Variants in GLDN observed in about 807,000 individuals in gnomAD.
GLDN encodes the protein gliomedin.
A neutral mutation model predicts 56.5 loss-of-function variants in GLDN; 47 were observed. That is an observed-to-expected ratio of 0.83 (90% CI 0.66 to 1.06). The LOEUF is 1.06. Among genes scored for constraint, GLDN ranks in the 50% least tolerant of loss-of-function variants. The pLI, the probability that GLDN is intolerant of heterozygous loss-of-function variation, is 0.00. For missense variants in GLDN, 782 were observed against 714.3 expected (o/e 1.09, Z -1.08); for synonymous variants, 332 against 278.8 (o/e 1.19, Z -1.90).
At chr15:51,377,166 T>A (rs2037650095) in intron 1 of GLDN, 1 of 467,720 alleles carries the variant, frequency 2.1e-6, no homozygotes, top group Middle Eastern at 5.6e-4. Context: ...TATACCAGCA[T>A]CACCACAAAC....
rs557019187 is a variant in GLDN, at chr15:51,376,290, G to A, written c.364-1159G>A. Among the ~76,000 whole-genome samples, 30 of 152,334 alleles carry A rather than the reference G, an allele frequency of 2.0e-4. No individual in the cohort carries two copies. The South Asian group carries it at 4.8e-3, about 24-fold the overall frequency. ...CATGTTACAGTACTGAATGCTGTAG[G>A]CAACTGTAACACAGTGGTAAATATT... On this transcript the variant is annotated intron_variant, in intron 1 of 9. Coordinates refer to ENST00000335449, the MANE Select transcript of GLDN (RefSeq NM_181789.4).
At chr15:51,366,148 T>G (rs982888212) in intron 1 of GLDN, among the ~76,000 whole-genome samples, 2 of 152,174 alleles carry the variant, frequency 1.3e-5, no homozygotes, top group Non-Finnish European at 2.9e-5. Flanking sequence ...GTTGTCACTG[T>G]GTGTGTGTCT....
Position 51,394,968 on chromosome 15 carries a change from C to T in GLDN, c.675C>T (p.Asp225=), listed in dbSNP as rs373810235. Residue 225 remains aspartate (D), a synonymous_variant, in exon 5 of 10, where the codon GAC becomes GAT. Transcript: ENST00000335449. ...EKGDKGDVSN[D]VLLAGAKGDQ... is the part of the protein sequence containing the mutation. ...GTGACAAAGGAGATGTGTCCAACGA[C>T]GTGCTCCTGGCAGGTAAGAGGGGTA... 70 of 1,600,874 alleles carry T rather than the reference C, an allele frequency of 4.4e-5. No individual in the cohort carries two copies. The highest frequency in any genetic ancestry group is 5.5e-5 in the Non-Finnish European group (65 of 1,175,084).
At position 51,401,596 on chromosome 15, in the gene GLDN, T is replaced by C. The variant is rs531368721; in HGVS notation, c.1031T>C (p.Ile344Thr). Residue 344 changes from isoleucine to threonine, a missense_variant, in exon 9 of 10, where the codon ATC becomes ACC. By Grantham distance (89) the Ile-to-Thr change is moderately conservative. Transcript: ENST00000335449. Reference protein sequence around the residue: ...RIWVTEHFSGIMVKEFKDQPS... With the variant: ...RIWVTEHFSGTMVKEFKDQPS... ...CTCCCTGGCTTCCCTCCTACAGGCA[T>C]CATGGTTAAGGAATTCAAGGATCAG... The C allele has an allele frequency of 6.2e-7, 1 of 1,613,088 alleles. No homozygotes were observed. Among genetic ancestry groups the C allele is most frequent in the South Asian group, 1.1e-5 (1 of 90,790 alleles).
Position 51,407,919 on chromosome 15 carries a change from C to G in GLDN, c.*3165C>G, listed in dbSNP as rs992446650. ...GCCATAATTTCCAACCTGCACAGAT[C>G]CTGAACAACAAATGAATAACGATGA... On this transcript the variant is annotated 3_prime_UTR_variant, in exon 10 of 10. Coordinates refer to ENST00000335449, the MANE Select transcript of GLDN (RefSeq NM_181789.4). 1 of 152,120 alleles carries G rather than the reference C, an allele frequency of 6.6e-6. No homozygotes were observed. Among genetic ancestry groups the G allele is most frequent in the African/African-American group, 2.4e-5 (1 of 41,418 alleles). 9.4% of individuals were successfully genotyped at this position (152,120 alleles called of 1,614,324 possible). A position where few individuals can be genotyped will look rare whatever the true frequency, so the allele number is the denominator to read the frequency against.
Position 51,341,938 on chromosome 15 carries a change from A to T in GLDN, c.254A>T (p.Asp85Val), listed in dbSNP as rs1018436405. The T allele has an allele frequency of 3.4e-5, 55 of 1,596,798 alleles. No individual in the cohort carries two copies. The highest frequency in any genetic ancestry group is 4.5e-5 in the Non-Finnish European group (53 of 1,179,256). ...APRGASAPPQ[D>V]PASSARNKRS... The stretch of plus-strand genomic sequence containing the variant: ...CGCGGGGCGTCCGCACCACCCCAAG[A>T]CCCGGCCAGCTCAGCTCGCAACAAG... The change falls in exon 1 of 10, where the codon GAC (aspartate) becomes GTC (valine). Residue 85 changes from aspartate to valine, a missense_variant. Coordinates refer to ENST00000335449, the MANE Select transcript of GLDN (RefSeq NM_181789.4).
Position 51,397,518 on chromosome 15 carries a change from C to T in GLDN, c.737C>T (p.Pro246Leu), listed in dbSNP as rs780003472. ...CCCGGTCCACCTGGGCCCCCAGGCCCTCCAGGTCCTCCAGGGCCCCCTGGA... is the reference window on the plus strand; with the variant it reads ...CCCGGTCCACCTGGGCCCCCAGGCCTTCCAGGTCCTCCAGGGCCCCCTGGA... ...GPPGPPGPPGPPGPPGPPGSR... is the reference protein window; with the variant it reads ...GPPGPPGPPGLPGPPGPPGSR... Residue 246 changes from proline (P) to leucine (L), a missense_variant, in exon 6 of 10, where the codon CCT becomes CTT. Transcript: ENST00000335449. 6 of 1,597,882 alleles carry T rather than the reference C, an allele frequency of 3.8e-6. No individual in the cohort carries two copies. The highest frequency in any genetic ancestry group is 1.7e-5 in the Admixed American group (1 of 58,864).
intron 4 of GLDN, among the ~76,000 whole-genome samples, chr15:51,391,418 T>TA (rs2038017486): frequency 6.6e-6 from 1 of 152,232 alleles, no homozygotes; most frequent in South Asian, 2.1e-4. Flanking sequence ...AACCAGCAGA[T>TA]ACCCTTTCCC....
At chr15:51,393,653 C>T (rs1263996387) in intron 4 of GLDN, among the ~76,000 whole-genome samples, 1 of 152,234 alleles carries the variant, frequency 6.6e-6, no homozygotes, top group Non-Finnish European at 1.5e-5. Flanking sequence ...GTCTCCTTCT[C>T]CCCAAACTCT....
At chr15:51,342,197 G>T in intron 1 of GLDN, 150 bp downstream of exon 1, 1 of 968,090 alleles carries the variant, frequency 1.0e-6, no homozygotes, top group South Asian at 1.5e-5. Flanking sequence ...ATGTCACCTT[G>T]GCAAGCACCT....
chr15:51,387,548 G>A (rs2037924535), intron 4 of GLDN, among the ~76,000 whole-genome samples: 1 of 152,166 alleles, frequency 6.6e-6, no homozygotes, highest in Non-Finnish European at 1.5e-5. Context: ...TGGATGAGCA[G>A]CCAGCTCCCA....
intron 2 of GLDN, among the ~76,000 whole-genome samples, chr15:51,383,006 G>C (rs1461371050): frequency 6.6e-6 from 1 of 152,182 alleles, no homozygotes; most frequent in Non-Finnish European, 1.5e-5. Flanking sequence ...CAGTGGCTCA[G>C]ATGAGACAAG....
In GLDN at chr15:51,401,658, C is replaced by T. The variant is rs376573993; in HGVS notation, c.1093C>T (p.Leu365Phe). ...LLNGSYTFIHLPYYFHGCGHV... is the reference protein window; with the variant it reads ...LLNGSYTFIHFPYYFHGCGHV... ...GAATGGCAGTTACACGTTCATCCAC[C>T]TTCCATACTATTTCCATGGCTGTGG... Residue 365 changes from leucine (L) to phenylalanine (F), a missense_variant, in exon 9 of 10, where the codon CTT (leucine) becomes TTT (phenylalanine). Leu to Phe is a conservative substitution (Grantham distance 22). Coordinates refer to ENST00000335449, the MANE Select transcript of GLDN (RefSeq NM_181789.4). The T allele has an allele frequency of 9.3e-6, 15 of 1,614,000 alleles. No individual in the cohort carries two copies. The highest frequency in any genetic ancestry group is 1.3e-5 in the Non-Finnish European group (15 of 1,179,956).
rs149104116 is a variant in GLDN, at chr15:51,353,148, C to T, written c.363+11101C>T. Reference sequence around the variant, plus strand: ...AACTGGTTCATCTGTCTTGTGGCCCCCATCTAGGAACAGACTTGGCATAAG... The same window carrying T: ...AACTGGTTCATCTGTCTTGTGGCCCTCATCTAGGAACAGACTTGGCATAAG... On this transcript the variant is annotated intron_variant, in intron 1 of 9. Transcript: ENST00000335449. Among the ~76,000 whole-genome samples, 1,262 of 152,290 alleles carry T rather than the reference C, an allele frequency of 8.3e-3. 15 individuals are homozygous for T. Among genetic ancestry groups the T allele is most frequent in the South Asian group, 0.031 (148 of 4,824 alleles).
At chr15:51,342,244 G>T (rs563637832) in intron 1 of GLDN, among the ~76,000 whole-genome samples, 197 bp downstream of exon 1, 2 of 152,360 alleles carry the variant, frequency 1.3e-5, no homozygotes, top group South Asian at 4.1e-4. Context: ...CTGTGAGGTT[G>T]GGGACAGGGT....
At chr15:51,390,408 A>G (rs975292613) in intron 4 of GLDN, among the ~76,000 whole-genome samples, 2 of 152,210 alleles carry the variant, frequency 1.3e-5, no homozygotes, top group Non-Finnish European at 2.9e-5. Context: ...AGAGACCTAA[A>G]TGTCAATTGT....
At chr15:51,380,369 C>G (rs188260924) in intron 2 of GLDN, among the ~76,000 whole-genome samples, 15 of 152,316 alleles carry the variant, frequency 9.8e-5, no homozygotes, top group African/African-American at 3.6e-4. Flanking sequence ...TGGATGTCTG[C>G]ACATATTCCT....
intron 4 of GLDN, among the ~76,000 whole-genome samples, chr15:51,392,115 G>A (rs1010068931): frequency 1.3e-5 from 2 of 152,192 alleles, no homozygotes; most frequent in Admixed American, 1.3e-4. Flanking sequence ...TGGAAGAGCA[G>A]AAACCATTTT....
chr15:51,379,899 A>C lies in GLDN; in HGVS notation c.415+2399A>C, dbSNP rs896265126. Among the ~76,000 whole-genome samples the C allele has an allele frequency of 2.6e-5, 4 of 152,264 alleles. No individual in the cohort carries two copies. The Middle Eastern group carries it at 0.014, about 521-fold the overall frequency. ...TTGACCTGTTTTGGTGTGAGTTTTT[A>C]TCTGCTACCTAATGTCATACTCCAT... On this transcript the variant is annotated intron_variant, in intron 2 of 9. Coordinates refer to ENST00000335449, the MANE Select transcript of GLDN (RefSeq NM_181789.4).
Sources: allele counts gnomAD v4.1 joint callset (sites outside exome capture counted in the v4.1 genomes callset), GRCh38; gene constraint gnomAD v4.1.1; transcripts MANE v1.5; gene names NCBI Gene and HGNC (gene_info 2026-07-23, HGNC 2026-07-21).